Variants in NDUFV2 observed in about 807,000 individuals in gnomAD.
The protein encoded by NDUFV2 is NADH:ubiquinone oxidoreductase core subunit V2, also known as NADH dehydrogenase [ubiquinone] flavoprotein 2, mitochondrial.
In NDUFV2, 18 loss-of-function variants were observed where a neutral mutation model predicts 31.6. The observed-to-expected ratio is 0.57, with a 90% CI of 0.39 to 0.84. NDUFV2 has a LOEUF of 0.84. NDUFV2 is among the 40% of genes least tolerant of loss of function. The pLI is 0.00. For synonymous variants in NDUFV2, 83 were observed against 99.8 expected, an observed-to-expected ratio of 0.83 and a Z score of 1.01; for missense variants, 314 against 303.6, an observed-to-expected ratio of 1.03 and a Z score of -0.26.
At chr18:9,114,383 A>G (rs2077886595) in intron 1 of NDUFV2, among the ~76,000 whole-genome samples, 2 of 151,488 alleles carry the variant, frequency 1.3e-5, no homozygotes, top group South Asian at 4.1e-4. Flanking sequence ...CTCTTTGATA[A>G]AGTCAACTAA....
chr18:9,126,654 G>C, intron 6 of NDUFV2, 177 bp from the exon 7 acceptor site: 2 of 579,946 alleles, frequency 3.4e-6, no homozygotes, highest in South Asian at 4.0e-5. Flanking sequence ...GTAATTTTGT[G>C]CCATGCGTGG....
chr18:9,124,894 A>G lies in NDUFV2; in HGVS notation c.490A>G (p.Thr164Ala), dbSNP rs1407558819. The G allele has an allele frequency of 6.2e-7, 1 of 1,612,434 alleles. No individual in the cohort carries two copies. The highest frequency in any genetic ancestry group is 8.5e-7 in the Non-Finnish European group (1 of 1,179,352). The change falls in exon 6 of 8, where the codon ACA (threonine) becomes GCA (alanine). Residue 164 changes from threonine (T) to alanine (A), a missense_variant. Transcript: ENST00000318388. ...KKLGIKVGETTPDKLFTLIEV... is the reference protein window; with the variant it reads ...KKLGIKVGETAPDKLFTLIEV... ...TTTAGGAATAAAGGTTGGGGAGACTACACCTGACAAACTTTTCACTCTTAT... is the reference window on the plus strand; with the variant it reads ...TTTAGGAATAAAGGTTGGGGAGACTGCACCTGACAAACTTTTCACTCTTAT...
chr18:9,121,091 A>G (rs376426195), intron 4 of NDUFV2, among the ~76,000 whole-genome samples: 1 of 152,056 alleles, frequency 6.6e-6, no homozygotes, highest in African/African-American at 2.4e-5. Context: ...AAAAATATGT[A>G]TTTATATATT....
chr18:9,113,921 G>T (rs983670608), intron 1 of NDUFV2, among the ~76,000 whole-genome samples: 1 of 152,184 alleles, frequency 6.6e-6, no homozygotes, highest in African/African-American at 2.4e-5. Context: ...CAGTGTCTGA[G>T]GGGTTTTGTC....
At chr18:9,110,365 CA>C (rs560949805) in intron 1 of NDUFV2, among the ~76,000 whole-genome samples, 3 of 151,536 alleles carry the variant, frequency 2.0e-5, no homozygotes, top group African/African-American at 4.9e-5. Flanking sequence ...TTAAACACAC[CA>C]AAAAAACAAT....
chr18:9,122,141 T>C (rs576489258), intron 4 of NDUFV2, among the ~76,000 whole-genome samples: 1 of 152,182 alleles, frequency 6.6e-6, no homozygotes, highest in Non-Finnish European at 1.5e-5. Context: ...GGCCATCAAT[T>C]TTTTGCCATT....
At chr18:9,115,051 TAGA>T (rs2077891113) in intron 1 of NDUFV2, among the ~76,000 whole-genome samples, 1 of 152,208 alleles carries the variant, frequency 6.6e-6, no homozygotes, top group African/African-American at 2.4e-5. Context: ...ACAAGGAGGT[TAGA>T]AGGAGAAATA....
In NDUFV2 at chr18:9,132,326, T is replaced by C. The variant is rs561641198; in HGVS notation, c.657-1860T>C. 41 of 152,332 alleles carry C rather than the reference T, an allele frequency of 2.7e-4. No individual in the cohort carries two copies. In the Middle Eastern group the frequency reaches 0.014, roughly 51 times the overall value. 9.4% of individuals were successfully genotyped at this position (152,332 alleles called of 1,614,324 possible). On this transcript the variant is annotated intron_variant, in intron 7 of 7. Coordinates refer to ENST00000318388, the MANE Select transcript of NDUFV2 (RefSeq NM_021074.5). ...GTGTCGATATTAAGGAGCTCATTAA[T>C]TTTGGAAGATCCATATCTATCCAAA... is the stretch of plus-strand genomic sequence containing the variant.
At chr18:9,112,101 C>G (rs908952934) in intron 1 of NDUFV2, among the ~76,000 whole-genome samples, 2 of 150,642 alleles carry the variant, frequency 1.3e-5, no homozygotes, top group Non-Finnish European at 2.9e-5. Context: ...TCACTGCAAC[C>G]TCCACCTCCT....
At position 9,122,576 on chromosome 18, in the gene NDUFV2, T is replaced by C. The variant is rs761469134; in HGVS notation, c.364T>C (p.Tyr122His). 1 of 1,614,064 alleles carries C rather than the reference T, an allele frequency of 6.2e-7. No individual in the cohort carries two copies. The highest frequency in any genetic ancestry group is 8.5e-7 in the Non-Finnish European group (1 of 1,179,948). ...VYEVATFYTM[Y>H]NRKPVGKYHI... ...TGAAGTAGCAACTTTTTATACAATG[T>C]ATAATCGAAAGCCAGTTGGAAAGTA... The change falls in exon 5 of 8, where the codon TAT becomes CAT. Residue 122 changes from tyrosine to histidine, a missense_variant. Coordinates refer to ENST00000318388, the MANE Select transcript of NDUFV2 (RefSeq NM_021074.5).
At chr18:9,107,460 C>A (rs2077847443) in intron 1 of NDUFV2, among the ~76,000 whole-genome samples, 1 of 152,150 alleles carries the variant, frequency 6.6e-6, no homozygotes, top group Non-Finnish European at 1.5e-5. Flanking sequence ...TAGGAAATGT[C>A]TTTCATTACA....
At chr18:9,129,208 T>G (rs538714222) in intron 7 of NDUFV2, among the ~76,000 whole-genome samples, 1 of 152,344 alleles carries the variant, frequency 6.6e-6, no homozygotes, top group African/African-American at 2.4e-5. Context: ...CCCAAAGTGC[T>G]GGGATTACAG....
intron 7 of NDUFV2, among the ~76,000 whole-genome samples, chr18:9,131,132 G>A (rs1396906607): frequency 6.6e-6 from 1 of 152,088 alleles, no homozygotes; most frequent in Non-Finnish European, 1.5e-5. Flanking sequence ...CCATAATCTA[G>A]AGAAAAGAAA....
At chr18:9,122,038 C>A (rs928773310) in intron 4 of NDUFV2, among the ~76,000 whole-genome samples, 1 of 152,120 alleles carries the variant, frequency 6.6e-6, no homozygotes, top group East Asian at 1.9e-4. Context: ...GATTTTCAAC[C>A]TTTTTTTCTG....
intron 1 of NDUFV2, among the ~76,000 whole-genome samples, chr18:9,108,683 C>T (rs2077853892): frequency 3.7e-5 from 5 of 135,470 alleles, no homozygotes; most frequent in African/African-American, 1.1e-4. Context: ...TTTTGTTTTT[C>T]ATGGAATTTT....
chr18:9,107,031 C>A (rs73388189), intron 1 of NDUFV2, among the ~76,000 whole-genome samples: 4,342 of 152,114 alleles, frequency 0.029, 213 homozygotes, highest in African/African-American at 0.099. Flanking sequence ...TGATTAGCAG[C>A]CTTAATTCTC....
chr18:9,125,575 C>T (rs1425075605), intron 6 of NDUFV2, among the ~76,000 whole-genome samples: 1 of 151,002 alleles, frequency 6.6e-6, no homozygotes, highest in African/African-American at 2.4e-5. Context: ...ATTTCTTTGA[C>T]CTGTAAGTTT....
At chr18:9,124,492 A>T (rs1352476503) in intron 5 of NDUFV2, among the ~76,000 whole-genome samples, 4 of 138,880 alleles carry the variant, frequency 2.9e-5, no homozygotes, top group Non-Finnish European at 6.1e-5. Context: ...TCTGTTGCCC[A>T]GGCTGGAGTG....
At chr18:9,126,043 C>G (rs370952094) in intron 6 of NDUFV2, among the ~76,000 whole-genome samples, 7 of 152,102 alleles carry the variant, frequency 4.6e-5, no homozygotes, top group Admixed American at 2.6e-4. Flanking sequence ...GTTCCACTTT[C>G]TTTCTTTGGT....
Sources: gnomAD v4.1 joint callset for allele counts (sites outside exome capture counted in the v4.1 genomes callset) on GRCh38, gnomAD v4.1.1 for gene constraint, MANE v1.5 for transcripts, NCBI Gene and HGNC (gene_info 2026-07-23, HGNC 2026-07-21) for gene names.